Variants in KCNMB3 observed in about 807,000 individuals in gnomAD.
KCNMB3 encodes potassium calcium-activated channel subfamily M regulatory beta subunit 3, also known as calcium-activated potassium channel subunit beta-3.
KCNMB3 carries 18 observed loss-of-function variants against 11.9 expected under a neutral mutation model. The ratio of observed to expected loss-of-function variants is 1.51; its 90% CI spans 1.04 to 2.23. The LOEUF (loss-of-function observed/expected upper bound fraction) is 2.23. Ranked by LOEUF, KCNMB3 falls within the 30% of genes most tolerant of loss-of-function variation. KCNMB3 has a pLI of 0.00. For missense variants in KCNMB3, 247 were observed against 329.4 expected (o/e 0.75, Z 1.94); for synonymous variants, 78 against 119.2 (o/e 0.65, Z 2.25).
intron 1 of KCNMB3, among the ~76,000 whole-genome samples, chr3:179,256,699 C>G (rs541685210): frequency 3.3e-5 from 5 of 150,584 alleles, no homozygotes; most frequent in African/African-American, 7.4e-5. Context: ...AGTAGAGAAA[C>G]AAAGAATGGA....
At chr3:179,252,984 C>G (rs930460587), upstream of KCNMB3, among the ~76,000 whole-genome samples, 1 of 152,138 alleles carries the variant, frequency 6.6e-6, no homozygotes, top group Non-Finnish European at 1.5e-5. Context: ...CCCACCTCGG[C>G]CTCCCAAACT....
chr3:179,266,611 G>A, intron 1 of KCNMB3: 3 of 1,612,484 alleles, frequency 1.9e-6, no homozygotes, highest in Non-Finnish European at 2.5e-6. Context: ...TGTTCAGCCA[G>A]ATTCCCACTA....
chr3:179,252,415 G>GT (rs1283398076), upstream of KCNMB3, among the ~76,000 whole-genome samples: 8 of 152,140 alleles, frequency 5.3e-5, no homozygotes, highest in Non-Finnish European at 1.2e-4. Flanking sequence ...ATTACTGGTT[G>GT]TTTTTTTCCC....
chr3:179,265,650 G>A (rs1576966799), intron 1 of KCNMB3, among the ~76,000 whole-genome samples: 1 of 152,276 alleles, frequency 6.6e-6, no homozygotes, highest in East Asian at 1.9e-4. Context: ...TAGAGACGGG[G>A]TTTCACCATG....
chr3:179,262,419 C>T (rs1173629001), intron 1 of KCNMB3, among the ~76,000 whole-genome samples: 1 of 152,030 alleles, frequency 6.6e-6, no homozygotes, highest in Non-Finnish European at 1.5e-5. Flanking sequence ...TCGTGGTCTC[C>T]CTGGCTTCAG....
chr3:179,266,766 C>T (rs959341297), exon 1 of KCNMB3: 1 of 1,605,144 alleles, frequency 6.2e-7, no homozygotes, highest in Non-Finnish European at 8.5e-7. Context: ...CCCCTGCGGG[C>T]GCAAGAAAGG....
At chr3:179,244,937 A>G (rs192869881) in intron 1 of KCNMB3, among the ~76,000 whole-genome samples, 148 of 152,320 alleles carry the variant, frequency 9.7e-4, no homozygotes, top group African/African-American at 3.5e-3. Flanking sequence ...CCCTACTGGC[A>G]TATTTCTCAC....
chr3:179,246,520 A>G (rs900373184), intron 1 of KCNMB3, among the ~76,000 whole-genome samples: 1 of 152,178 alleles, frequency 6.6e-6, no homozygotes, highest in African/African-American at 2.4e-5. Context: ...TAATATAACA[A>G]ACTTGAGACA....
rs540568799 is a variant in KCNMB3, at chr3:179,261,336, C to A, written c.62+5313G>T. The A allele has an allele frequency of 2.1e-3, 2,507 of 1,182,038 alleles. 16 individuals carry two copies. The Admixed American group carries it at 0.031, about 15-fold the overall frequency. The allele number at this position is 1,182,038 out of a possible 1,614,324, so 73.2% of individuals were successfully genotyped here. On this transcript the variant is annotated intron_variant, in intron 1 of 3. Coordinates refer to the KCNMB3 transcript ENST00000349697. ...CTCGGGGACCGTGCCGGAGCCCCCC[C>A]CCGCGGGCCGGGCCAGGGGGCGCGC...
rs200010799 is a variant in KCNMB3 at position 179,243,237 on chromosome 3, G to C, written c.495C>G (p.Asn165Lys). The C allele has an allele frequency of 0.013, 16,979 of 1,338,854 alleles. 805 individuals are homozygous for C. Among genetic ancestry groups the C allele is most frequent in the South Asian group, 0.12 (9,691 of 78,944 alleles). 82.9% of individuals were successfully genotyped at this position (1,338,854 alleles called of 1,614,324 possible). A position where few individuals can be genotyped will look rare whatever the true frequency, so the allele number is the denominator to read the frequency against. ...AGAATTCTTTTATGTCCAGAGCACT[G>C]TTGAGCAAATCATTTCTATCTTGGT... ...KCHQDRNDLL[N>K]SALDIKEFFD... Residue 165 changes from asparagine (N) to lysine (K), a missense_variant, in exon 3 of 3, where the codon AAC becomes AAG. This residue lies in a region of KCNMB3 where 87 missense variants were observed against 171.9 expected (regional missense o/e 0.51). Transcript: ENST00000392685.
upstream of KCNMB3, among the ~76,000 whole-genome samples, chr3:179,253,109 G>A (rs1725902137): frequency 6.6e-6 from 1 of 152,146 alleles, no homozygotes; most frequent in Admixed American, 6.5e-5. Flanking sequence ...GATGGTTTTT[G>A]TAGTTTCCAG....
rs191128556 is a variant in KCNMB3 at position 179,250,657 on chromosome 3, A to G, written c.248+86T>C. On this transcript the variant is annotated intron_variant, in intron 1 of 2. Transcript: ENST00000392685. ...CATGGCAGAGAGTCACAGATTGAGA[A>G]ACCAAAGCCAGCCTCTCCTCCTTTA... The G allele has an allele frequency of 2.8e-5, 39 of 1,377,618 alleles. No individual in the cohort carries two copies. In the Admixed American group the frequency reaches 3.6e-4, roughly 13 times the overall value. The allele number at this position is 1,377,618 out of a possible 1,614,324, so 85.3% of individuals were successfully genotyped here.
exon 1 of KCNMB3, chr3:179,266,695 T>C (rs1330632495): frequency 4.3e-6 from 7 of 1,614,176 alleles, no homozygotes; most frequent in African/African-American, 1.3e-5. Flanking sequence ...TGCACGGGGA[T>C]GCTGAAGGGC....
downstream of KCNMB3, chr3:179,239,961 C>G (rs1725409504): frequency 6.7e-6 from 9 of 1,336,676 alleles, no homozygotes; most frequent in Non-Finnish European, 8.3e-6. Context: ...CCCAGTCTTG[C>G]TGTTCCTAGC....
chr3:179,266,574 G>A, intron 1 of KCNMB3: 2 of 1,557,522 alleles, frequency 1.3e-6, no homozygotes. Flanking sequence ...CCCCAAGCTC[G>A]AGATGTCCCC....
upstream of KCNMB3, chr3:179,251,253 T>C (rs993774725): frequency 6.7e-5 from 99 of 1,485,492 alleles, no homozygotes; most frequent in African/African-American, 1.5e-4. Context: ...CGAACTTTGT[T>C]ATCTTTCAGG....
At chr3:179,250,070 G>C (rs1725783267) in intron 1 of KCNMB3, among the ~76,000 whole-genome samples, 1 of 152,184 alleles carries the variant, frequency 6.6e-6, no homozygotes, top group South Asian at 2.1e-4. Context: ...ATAAGGAAGA[G>C]AAAACATGTT....
At chr3:179,259,112 T>A in intron 1 of KCNMB3, 3 of 1,588,348 alleles carry the variant, frequency 1.9e-6, no homozygotes, top group East Asian at 2.2e-5. Context: ...CCGGCTCTCC[T>A]CCTGGTGCCA....
intron 1 of KCNMB3, among the ~76,000 whole-genome samples, chr3:179,263,299 C>T (rs115663286): frequency 6.6e-4 from 100 of 152,348 alleles, no homozygotes; most frequent in Non-Finnish European, 1.2e-3. Context: ...GTCGGCCACT[C>T]GGAGTGCTGG....
Sources: gnomAD v4.1 joint callset for allele counts (sites outside exome capture counted in the v4.1 genomes callset) on GRCh38, gnomAD v4.1.1 for gene constraint, gnomAD v4.1.1 regional missense constraint, MANE v1.5 for transcripts, NCBI Gene and HGNC (gene_info 2026-07-23, HGNC 2026-07-21) for gene names.